The following SNTG2 variants were observed in gnomAD, a reference collection of about 807,000 sequenced individuals.
SNTG2 encodes the protein syntrophin gamma 2, also known as gamma-2-syntrophin.
In SNTG2, 74 loss-of-function variants were observed where a neutral mutation model predicts 70.9. The observed-to-expected ratio is 1.04, with a 90% CI of 0.86 to 1.27. The LOEUF is 1.27. Ranked by LOEUF, SNTG2 falls within the 50% of genes most tolerant of loss-of-function variation. The probability of loss-of-function intolerance (pLI) is 0.00; values close to 1 mark genes in which losing one functional copy is unlikely to be tolerated. For synonymous variants in SNTG2, 278 were observed against 273.8 expected, an observed-to-expected ratio of 1.02 and a Z score of -0.15; for missense variants, 717 against 690.7, an observed-to-expected ratio of 1.04 and a Z score of -0.43.
intron 1 of SNTG2, among the ~76,000 whole-genome samples, chr2:1,031,792 A>G (rs1660853610): frequency 1.3e-5 from 2 of 151,948 alleles, no homozygotes; most frequent in Non-Finnish European, 2.9e-5. Flanking sequence ...GCCAGATGGA[A>G]AAGACCTCAT....
chr2:1,116,941 C>CCCTGGCGTGTGGGTG lies in SNTG2; in HGVS notation c.325+18548_325+18562dup, dbSNP rs1356706302. On this transcript the variant is annotated intron_variant, in intron 4 of 16. Coordinates refer to ENST00000308624, the MANE Select transcript of SNTG2 (RefSeq NM_018968.4). ...GTGTGGGTGCCCTGGCGTGTGGGTG[C>CCCTGGCGTGTGGGTG]CCTGGCGTGTGGGTGCCTGGCGTGT... Among the ~76,000 whole-genome samples, 1,051 of 137,554 alleles carry CCCTGGCGTGTGGGTG rather than the reference C, an allele frequency of 7.6e-3. 33 individuals carry two copies. The highest frequency in any genetic ancestry group is 0.03 in the African/African-American group (993 of 33,424). The allele number at this position is 137,554 out of a possible 152,430, so 90.2% of individuals were successfully genotyped here. A position where few individuals can be genotyped will look rare whatever the true frequency, so the allele number is the denominator to read the frequency against.
intron 8 of SNTG2, among the ~76,000 whole-genome samples, chr2:1,196,576 G>C (rs1672923728): frequency 6.6e-6 from 1 of 151,956 alleles, no homozygotes; most frequent in Non-Finnish European, 1.5e-5. Context: ...CGTATAGTAT[G>C]GTCAAACTGT....
In SNTG2 at chr2:1,367,595, C is replaced by G. The variant is rs1661557485; in HGVS notation, c.*121C>G. On this transcript the variant is annotated 3_prime_UTR_variant, in exon 17 of 17. Coordinates refer to ENST00000308624, the MANE Select transcript of SNTG2 (RefSeq NM_018968.4). ...GCCTATAGTTGTGATACCAATAAAACATGTCACTAGTTTCCAAAGACGGGT... is the reference window on the plus strand; with the variant it reads ...GCCTATAGTTGTGATACCAATAAAAGATGTCACTAGTTTCCAAAGACGGGT... 2.4e-6 allele frequency: 3 copies of G among 1,226,536 alleles called. No individual in the cohort carries two copies. In the East Asian group the frequency reaches 7.9e-5, roughly 32 times the overall value. 76.0% of individuals were successfully genotyped at this position (1,226,536 alleles called of 1,614,324 possible).
chr2:1,043,935 C>G (rs1661582828), intron 1 of SNTG2, among the ~76,000 whole-genome samples: 2 of 152,118 alleles, frequency 1.3e-5, no homozygotes, highest in Admixed American at 1.3e-4. Context: ...ATTGGTTTTT[C>G]TAATTCTGTG....
chr2:1,311,023 A>G (rs1191282338), intron 15 of SNTG2, among the ~76,000 whole-genome samples: 1 of 152,146 alleles, frequency 6.6e-6, no homozygotes, highest in African/African-American at 2.4e-5. Context: ...CCCTCACCCA[A>G]AATGACCTGG....
At chr2:1,267,242 T>C (rs1475643580) in intron 13 of SNTG2, 123 bp from the exon 14 acceptor site, 17 of 869,822 alleles carry the variant, frequency 2.0e-5, no homozygotes, top group Admixed American at 4.5e-5. Flanking sequence ...TTTGCCTCCT[T>C]GTCTGCACCC....
chr2:1,007,676 CAGTA>C (rs1376011003), intron 1 of SNTG2, among the ~76,000 whole-genome samples: 1 of 152,156 alleles, frequency 6.6e-6, no homozygotes, highest in African/African-American at 2.4e-5. Context: ...GGAGAGCACT[CAGTA>C]AGCGTTCAGG....
intron 1 of SNTG2, among the ~76,000 whole-genome samples, chr2:1,011,702 A>C (rs1360166627): frequency 2.0e-5 from 3 of 152,188 alleles, no homozygotes; most frequent in African/African-American, 7.2e-5. Context: ...ACATGACTTC[A>C]GATTTCATAT....
At chr2:1,333,383 A>G (rs916000144) in intron 16 of SNTG2, among the ~76,000 whole-genome samples, 8 of 152,176 alleles carry the variant, frequency 5.3e-5, no homozygotes, top group Non-Finnish European at 1.2e-4. Flanking sequence ...GCTGAAAGTA[A>G]TCTACAAATT....
chr2:957,967 T>C (rs1246655014), intron 1 of SNTG2, among the ~76,000 whole-genome samples: 2 of 152,212 alleles, frequency 1.3e-5, no homozygotes, highest in Non-Finnish European at 2.9e-5. Context: ...TTTTAGGGAA[T>C]ATCTTCTTAG....
At chr2:1,157,287 CT>C (rs1449444632) in intron 6 of SNTG2, among the ~76,000 whole-genome samples, 3 of 152,218 alleles carry the variant, frequency 2.0e-5, no homozygotes, top group Non-Finnish European at 2.9e-5. Flanking sequence ...GGCTCTACCC[CT>C]GACCCCTGCA....
At chr2:1,025,754 AC>A (rs893617669) in intron 1 of SNTG2, among the ~76,000 whole-genome samples, 5 of 151,930 alleles carry the variant, frequency 3.3e-5, no homozygotes, top group Non-Finnish European at 1.5e-5. Flanking sequence ...ATCCGGGATG[AC>A]CCCCATCTCA....
At chr2:1,155,578 C>T (rs1572589156) in intron 6 of SNTG2, among the ~76,000 whole-genome samples, 1 of 152,338 alleles carries the variant, frequency 6.6e-6, no homozygotes, top group East Asian at 1.9e-4. Flanking sequence ...CTCAGAGCCC[C>T]TGGGGCCATG....
intron 8 of SNTG2, among the ~76,000 whole-genome samples, chr2:1,201,333 G>A (rs950467363): frequency 1.3e-5 from 2 of 151,832 alleles, no homozygotes; most frequent in African/African-American, 2.4e-5. Flanking sequence ...CATATAGTAA[G>A]AGCTAAAAAA....
chr2:1,313,597 C>A (rs1223671852), intron 15 of SNTG2, among the ~76,000 whole-genome samples: 1 of 152,224 alleles, frequency 6.6e-6, no homozygotes, highest in East Asian at 1.9e-4. Flanking sequence ...TCCTTTTCTA[C>A]AGAAACATTG....
At chr2:1,222,272 G>C (rs1324192689) in intron 9 of SNTG2, among the ~76,000 whole-genome samples, 1 of 152,140 alleles carries the variant, frequency 6.6e-6, no homozygotes, top group African/African-American at 2.4e-5. Context: ...TTAGCGCCCT[G>C]TCTATGAAAA....
chr2:978,374 T>C (rs910563889), intron 1 of SNTG2, among the ~76,000 whole-genome samples: 1 of 152,246 alleles, frequency 6.6e-6, no homozygotes, highest in Non-Finnish European at 1.5e-5. Context: ...TTACTTTTCA[T>C]TCAAGTTTAG....
intron 14 of SNTG2, among the ~76,000 whole-genome samples, chr2:1,299,328 AG>A (rs1338760892): frequency 6.6e-6 from 1 of 152,208 alleles, no homozygotes; most frequent in East Asian, 1.9e-4. Context: ...TCATTTCTGG[AG>A]GCTGCAAGTC....
chr2:1,042,372 T>C (rs1227708457), intron 1 of SNTG2, among the ~76,000 whole-genome samples: 4 of 152,202 alleles, frequency 2.6e-5, no homozygotes, highest in Non-Finnish European at 4.4e-5. Flanking sequence ...TTCTTTCTTT[T>C]CTTTCCAACT....
Sources: allele counts gnomAD v4.1 joint callset (sites outside exome capture counted in the v4.1 genomes callset), GRCh38; gene constraint gnomAD v4.1.1; transcripts MANE v1.5; gene names NCBI Gene and HGNC (gene_info 2026-07-23, HGNC 2026-07-21).